The following P2RX2 variants were observed in gnomAD, a reference collection of about 807,000 sequenced individuals.
The protein encoded by P2RX2 is purinergic receptor P2X 2.
Under a neutral mutation model 54.8 loss-of-function variants are expected in P2RX2, and 50 were observed. That is an observed-to-expected ratio of 0.91 (90% CI 0.73 to 1.15). P2RX2 has a LOEUF of 1.15. P2RX2 is among the 50% of genes most tolerant of loss of function. The pLI is 0.00. For synonymous variants in P2RX2, 289 were observed against 259.4 expected (o/e 1.11, Z -1.09); for missense variants, 658 against 633.2 (o/e 1.04, Z -0.42).
rs377132170 is a variant in P2RX2 at position 132,621,708 on chromosome 12, G to A, written c.1152G>A (p.Pro384=). The part of the protein sequence containing the change: ...SHKKFDKVCT[P]SHPSGSWPVT... ...AGAAATTTGACAAGGTGTGTACGCC[G>A]AGCCACCCCTCAGGTAGCTGGCCTG... The change falls in exon 11 of 11, where the codon CCG becomes CCA. Residue 384 remains proline, a synonymous_variant. Transcript: ENST00000643471. 70 of 1,613,340 alleles carry A rather than the reference G, an allele frequency of 4.3e-5. 1 individual carries two copies. In the East Asian group the frequency reaches 6.2e-4, roughly 14 times the overall value.
rs1020190554 is a variant in P2RX2 at position 132,620,724 on chromosome 12, A to C, written c.774+141A>C. The C allele has an allele frequency of 1.7e-4, 190 of 1,092,026 alleles. 1 individual carries two copies. Among genetic ancestry groups the C allele is most frequent in the Admixed American group, 7.3e-4 (31 of 42,602 alleles). 67.6% of individuals were successfully genotyped at this position (1,092,026 alleles called of 1,614,324 possible). ...GAGGAAAAGAAATGCGATCAGCGCA[A>C]CCCATCCGGTGTGGCGCTTGCTGAA... On this transcript the variant is annotated intron_variant, in intron 7 of 10. Transcript: ENST00000643471.
intron 8 of P2RX2, 57 bp downstream of exon 8, chr12:132,621,188 A>C (rs959046161): frequency 6.2e-7 from 1 of 1,613,880 alleles, no homozygotes; most frequent in Non-Finnish European, 8.5e-7. Context: ...GGGTCCCGAG[A>C]GGCCCAATGC....
chr12:132,619,150 ATTGGGGG>A (rs1566289966), intron 1 of P2RX2, among the ~76,000 whole-genome samples, 161 bp downstream of exon 1: 474 of 21,692 alleles, frequency 0.022, 27 homozygotes, highest in Admixed American at 0.064. Flanking sequence ...AGGGGCTGGG[ATTGGGGG>A]CGCGGGGCAG....
At chr12:132,621,382 C>A (rs1313794697) in intron 9 of P2RX2, 37 bp downstream of exon 9, 2 of 1,612,696 alleles carry the variant, frequency 1.2e-6, no homozygotes, top group Non-Finnish European at 1.7e-6. Context: ...GCCAGCCCTG[C>A]TAGCCTGGGT....
chr12:132,620,666 C>T (rs937893858), intron 7 of P2RX2, 83 bp downstream of exon 7: 57 of 1,452,370 alleles, frequency 3.9e-5, no homozygotes, highest in Non-Finnish European at 5.2e-5. Flanking sequence ...ACCAGTCCCT[C>T]CTCCCTCCTG....
chr12:132,619,815 G>A (rs1021178715), intron 3 of P2RX2, 29 bp from the exon 4 acceptor site: 1 of 1,610,568 alleles, frequency 6.2e-7, no homozygotes, highest in Non-Finnish European at 8.5e-7. Flanking sequence ...TCCCTTGCGG[G>A]GTCCCTGACT....
chr12:132,619,954 G>GC, intron 4 of P2RX2, 35 bp downstream of exon 4: 7 of 1,262,176 alleles, frequency 5.5e-6, no homozygotes, highest in Non-Finnish European at 8.0e-6. Flanking sequence ...GGCGGGTGGG[G>GC]CAGGGCTGCG....
At chr12:132,619,276 CG>C in intron 1 of P2RX2, 162 bp from the exon 2 acceptor site, 2 of 298,730 alleles carry the variant, frequency 6.7e-6, no homozygotes, top group Non-Finnish European at 9.2e-6. Context: ...GGGCTGGGAC[CG>C]GGGGCGCGGG....
chr12:132,619,795 G>T (rs775890349), intron 3 of P2RX2, 45 bp downstream of exon 3: 1 of 1,609,952 alleles, frequency 6.2e-7, no homozygotes, highest in South Asian at 1.1e-5. Context: ...TCAGCTAGGC[G>T]GGCCAGCTGT....
chr12:132,619,982 G>A lies in P2RX2; in HGVS notation c.458-18G>A. ...GGGCTGCGTCCCCGCTAATGCCTCA[G>A]TGACCTCTGCCTCCCAGGCCTGAGG... On this transcript the variant is annotated intron_variant, in intron 4 of 10. Coordinates refer to ENST00000643471, the MANE Select transcript of P2RX2 (RefSeq NM_170682.4). 1 of 1,579,654 alleles carries A rather than the reference G, an allele frequency of 6.3e-7. No individual in the cohort carries two copies. The highest frequency in any genetic ancestry group is 8.6e-7 in the Non-Finnish European group (1 of 1,164,502).
chr12:132,619,453 T>C lies in P2RX2; in HGVS notation c.188T>C (p.Val63Ala), dbSNP rs1182471953. The C allele has an allele frequency of 1.2e-6, 2 of 1,612,176 alleles. No individual in the cohort carries two copies. The highest frequency in any genetic ancestry group is 8.5e-7 in the Non-Finnish European group (1 of 1,179,354). The change falls in exon 2 of 11, where the codon GTG becomes GCG. Residue 63 changes from valine (V) to alanine (A), a missense_variant. Coordinates refer to ENST00000643471, the MANE Select transcript of P2RX2 (RefSeq NM_170682.4). ...CCTGCCCGCAGGTACGTATTCATCGTGCAGAAAAGCTACCAGGAGAGCGAG... is the reference window on the plus strand; with the variant it reads ...CCTGCCCGCAGGTACGTATTCATCGCGCAGAAAAGCTACCAGGAGAGCGAG... ...LLYFVWYVFI[V>A]QKSYQESETG...
Position 132,622,270 on chromosome 12 carries a change from G to C in P2RX2, c.*298G>C, listed in dbSNP as rs773918113. 51 of 1,311,426 alleles carry C rather than the reference G, an allele frequency of 3.9e-5. No individual in the cohort carries two copies. Among genetic ancestry groups the C allele is most frequent in the African/African-American group, 6.0e-5 (4 of 66,228 alleles). 81.2% of individuals were successfully genotyped at this position (1,311,426 alleles called of 1,614,324 possible). A position where few individuals can be genotyped will look rare whatever the true frequency, so the allele number is the denominator to read the frequency against. On this transcript the variant is annotated 3_prime_UTR_variant, in exon 11 of 11. Transcript: ENST00000643471. ...CTGAGCTCTGAGGGGCTCTGCTCCC[G>C]GTCTTGGGCCCTGGGAACCCCACCC...
rs1450203972 is a variant in P2RX2 at position 132,619,444 on chromosome 12, T to G, written c.179T>G (p.Val60Gly). The change falls in exon 2 of 11, where the codon GTA (valine) becomes GGA (glycine). Residue 60 changes from valine (V) to glycine (G), a missense_variant. Coordinates refer to ENST00000643471, the MANE Select transcript of P2RX2 (RefSeq NM_170682.4). ...LLILLYFVWY[V>G]FIVQKSYQES... ...GGCGCCGCCCCTGCCCGCAGGTACGTATTCATCGTGCAGAAAAGCTACCAG... is the reference window on the plus strand; with the variant it reads ...GGCGCCGCCCCTGCCCGCAGGTACGGATTCATCGTGCAGAAAAGCTACCAG... 6.8e-6 allele frequency: 11 copies of G among 1,611,812 alleles called. No homozygotes were observed. The highest frequency in any genetic ancestry group is 9.3e-6 in the Non-Finnish European group (11 of 1,179,256).
rs747882353 is a variant in P2RX2, at chr12:132,619,550, G to A, written c.285G>A (p.Val95=). The change falls in exon 2 of 11, where the codon GTG becomes GTA. Residue 95 remains valine, a synonymous_variant. Coordinates refer to ENST00000643471, the MANE Select transcript of P2RX2 (RefSeq NM_170682.4). The part of the protein sequence containing the change: ...ITTSEHKVWD[V]EEYVKPPEGG... The stretch of plus-strand genomic sequence containing the variant: ...CGTCCGAGCACAAAGTGTGGGACGT[G>A]GAGGAGTACGTGAAGCCCCCCGAGG... The A allele has an allele frequency of 6.2e-7, 1 of 1,611,978 alleles. No individual in the cohort carries two copies. Among genetic ancestry groups the A allele is most frequent in the Non-Finnish European group, 8.5e-7 (1 of 1,179,288 alleles).
At chr12:132,620,415 TGCA>T in intron 6 of P2RX2, 27 bp from the exon 7 acceptor site, 1 of 1,613,940 alleles carries the variant, frequency 6.2e-7, no homozygotes, top group Non-Finnish European at 8.5e-7. Context: ...GTATTTGGGG[TGCA>T]GGTCTCGCCT....
intron 1 of P2RX2, among the ~76,000 whole-genome samples, 162 bp downstream of exon 1, chr12:132,619,151 TTGGGGGCGCGGGGCAGGGGCTGGGAC>T (rs1566289981): frequency 2.9e-4 from 3 of 10,282 alleles, no homozygotes; most frequent in Admixed American, 1.3e-3. Context: ...GGGGCTGGGA[TTGGGGGCGCGGGGCAGGGGCTGGGAC>T]TGGGGGCGTG....
At chr12:132,619,034 G>GCGCA in intron 1 of P2RX2, 45 bp downstream of exon 1, 1 of 1,058,298 alleles carries the variant, frequency 9.4e-7, no homozygotes, top group South Asian at 4.2e-5. Context: ...GGGGCGCAGG[G>GCGCA]GAGGGGCTGG....
rs755760731 is a variant in P2RX2 at position 132,621,769 on chromosome 12, G to A, written c.1213G>A (p.Glu405Lys). The change falls in exon 11 of 11, where the codon GAA (glutamate) becomes AAA (lysine). Residue 405 changes from glutamate (E) to lysine (K), a missense_variant. Coordinates refer to ENST00000643471, the MANE Select transcript of P2RX2 (RefSeq NM_170682.4). ...LARVLGQAPP[E>K]PGHRSEDQHP... ...CCGTGTATTGGGCCAGGCCCCTCCC[G>A]AACCCGGCCACCGCTCCGAGGACCA... The A allele has an allele frequency of 4.2e-5, 68 of 1,600,986 alleles. No homozygotes were observed. The highest frequency in any genetic ancestry group is 2.0e-4 in the African/African-American group (15 of 74,722).
rs1211267134 is a variant in P2RX2, at chr12:132,621,363, G to A, written c.996+18G>A. 3.7e-6 allele frequency: 6 copies of A among 1,613,752 alleles called. No homozygotes were observed. The highest frequency in any genetic ancestry group is 2.2e-5 in the East Asian group (1 of 44,880). On this transcript the variant is annotated intron_variant, in intron 9 of 10. Coordinates refer to ENST00000643471, the MANE Select transcript of P2RX2 (RefSeq NM_170682.4). ...ATGGACAGGTGCCTGCACCTGCTGG[G>A]GGTGGGTGGCCAGCCCTGCTAGCCT...
Sources: allele counts gnomAD v4.1 joint callset (sites outside exome capture counted in the v4.1 genomes callset), GRCh38; gene constraint gnomAD v4.1.1; transcripts MANE v1.5; gene names NCBI Gene and HGNC (gene_info 2026-07-23, HGNC 2026-07-21).